The following BMPER variants were observed in gnomAD, a reference collection of about 807,000 sequenced individuals.
BMPER encodes BMP-binding endothelial regulator protein.
In BMPER, 45 loss-of-function variants were observed where a neutral mutation model predicts 87.3. The ratio of observed to expected loss-of-function variants is 0.52; its 90% CI spans 0.41 to 0.66. The LOEUF is 0.66. Among genes scored for constraint, BMPER ranks in the 30% least tolerant of loss-of-function variants. The pLI is 0.00. For missense variants in BMPER, 784 were observed against 867.5 expected, an observed-to-expected ratio of 0.90 and a Z score of 1.21; for synonymous variants, 326 against 316.2, an observed-to-expected ratio of 1.03 and a Z score of -0.33.
At chr7:33,968,487 G>A (rs1208825642) in intron 4 of BMPER, among the ~76,000 whole-genome samples, 1 of 152,122 alleles carries the variant, frequency 6.6e-6, no homozygotes, top group Admixed American at 6.6e-5. Flanking sequence ...TTTTCTCAGG[G>A]CACAAAATCA....
chr7:34,134,443 C>T lies in BMPER; in HGVS notation c.1746-8787C>T, dbSNP rs138886497. Reference sequence around the variant, plus strand: ...CCTGAGACCATCTTGCAAGATTTGCCGGGCTCTGCTAGGATGGGGCCCAAA... The same window carrying T: ...CCTGAGACCATCTTGCAAGATTTGCTGGGCTCTGCTAGGATGGGGCCCAAA... On this transcript the variant is annotated intron_variant, in intron 13 of 14. Coordinates refer to ENST00000649409, the MANE Select transcript of BMPER (RefSeq NM_001365308.1). 1.7e-3 allele frequency among the ~76,000 whole-genome samples: 263 copies of T among 152,204 alleles called. 1 individual carries two copies. The highest frequency in any genetic ancestry group is 5.4e-3 in the African/African-American group (224 of 41,538).
At chr7:33,982,360 C>A (rs1785886796) in intron 6 of BMPER, among the ~76,000 whole-genome samples, 1 of 152,164 alleles carries the variant, frequency 6.6e-6, no homozygotes, top group Non-Finnish European at 1.5e-5. Context: ...CAAATTAGAT[C>A]AATGTGGGCA....
intron 13 of BMPER, among the ~76,000 whole-genome samples, chr7:34,092,979 C>T (rs1789430902): frequency 6.6e-6 from 1 of 152,128 alleles, no homozygotes; most frequent in Non-Finnish European, 1.5e-5. Context: ...GTATAGTTAG[C>T]CAGCTTCAAA....
chr7:33,955,878 C>T (rs538562669), intron 3 of BMPER, among the ~76,000 whole-genome samples: 60 of 152,224 alleles, frequency 3.9e-4, no homozygotes, highest in African/African-American at 1.3e-3. Flanking sequence ...ACACACAGAT[C>T]GGCGGAATAG....
At chr7:33,910,654 C>T (rs1166042800) in intron 2 of BMPER, among the ~76,000 whole-genome samples, 2 of 152,166 alleles carry the variant, frequency 1.3e-5, no homozygotes, top group Admixed American at 1.3e-4. Flanking sequence ...TCCAGAGGTG[C>T]AATGTAGAAA....
Position 34,082,710 on chromosome 7 carries a change from T to G in BMPER, c.1409-3046T>G, listed in dbSNP as rs531779418. Among the ~76,000 whole-genome samples the G allele has an allele frequency of 4.6e-5, 7 of 152,336 alleles. No individual in the cohort carries two copies. In the South Asian group the frequency reaches 1.2e-3, roughly 27 times the overall value. ...AAAGAAAGAACACAGTCATTCACTG[T>G]GAGTTGAATTCCCATGAACTCAGTT... On this transcript the variant is annotated intron_variant, in intron 12 of 14. Transcript: ENST00000649409.
At chr7:34,141,309 A>G (rs931631318) in intron 13 of BMPER, among the ~76,000 whole-genome samples, 2 of 152,176 alleles carry the variant, frequency 1.3e-5, no homozygotes, top group African/African-American at 4.8e-5. Flanking sequence ...GGGGAGAAGT[A>G]TTAAGAAATA....
At chr7:33,930,265 AG>A (rs1255801624) in intron 2 of BMPER, among the ~76,000 whole-genome samples, 22 of 152,164 alleles carry the variant, frequency 1.4e-4, no homozygotes, top group African/African-American at 5.3e-4. Context: ...TTGTACACTT[AG>A]GGTTTGTGGC....
chr7:34,002,298 G>T (rs550686960), intron 6 of BMPER, among the ~76,000 whole-genome samples: 3 of 151,674 alleles, frequency 2.0e-5, no homozygotes, highest in Non-Finnish European at 4.4e-5. Flanking sequence ...TTTCAGTACA[G>T]TATTCAATAA....
intron 13 of BMPER, among the ~76,000 whole-genome samples, chr7:34,128,581 T>C (rs1350330506): frequency 6.6e-6 from 1 of 152,170 alleles, no homozygotes; most frequent in Non-Finnish European, 1.5e-5. Context: ...AAAAATGGCA[T>C]GATAGGAATA....
chr7:34,071,237 C>G (rs951451552), intron 11 of BMPER, among the ~76,000 whole-genome samples: 1 of 152,182 alleles, frequency 6.6e-6, no homozygotes, highest in Non-Finnish European at 1.5e-5. Context: ...CACTAGATAA[C>G]TATTTGCTAG....
chr7:34,100,809 T>C (rs1408224332), intron 13 of BMPER, among the ~76,000 whole-genome samples: 1 of 152,158 alleles, frequency 6.6e-6, no homozygotes, highest in African/African-American at 2.4e-5. Flanking sequence ...CTTTGCAGAA[T>C]ACATCTGGGG....
chr7:34,143,247 T>A lies in BMPER; in HGVS notation c.1763T>A (p.Met588Lys). The A allele has an allele frequency of 6.2e-7, 1 of 1,614,046 alleles. No individual in the cohort carries two copies. The highest frequency in any genetic ancestry group is 8.5e-7 in the Non-Finnish European group (1 of 1,179,928). ...TCCTATAGGTCCTGTGTGACAGACA[T>A]GTGTGAATGTCCAGTCCATAAAAAC... Reference protein sequence around the residue: ...ATFYRSCVTDMCECPVHKNCY... With the variant: ...ATFYRSCVTDKCECPVHKNCY... Residue 588 changes from methionine (M) to lysine (K), a missense_variant, in exon 14 of 15, where the codon ATG becomes AAG. Met to Lys is a moderately conservative substitution (Grantham distance 95). Coordinates refer to ENST00000649409, the MANE Select transcript of BMPER (RefSeq NM_001365308.1).
chr7:34,118,737 A>G (rs1268360363), intron 13 of BMPER, among the ~76,000 whole-genome samples: 1 of 152,218 alleles, frequency 6.6e-6, no homozygotes, highest in Non-Finnish European at 1.5e-5. Context: ...ATTAATATTT[A>G]GATTAGCAGA....
intron 2 of BMPER, among the ~76,000 whole-genome samples, chr7:33,908,157 T>G (rs1298226374): frequency 6.6e-6 from 1 of 152,206 alleles, no homozygotes; most frequent in African/African-American, 2.4e-5. Context: ...AGCTTTCAGT[T>G]TAAATTTTGA....
chr7:34,099,656 A>G (rs1326376021), intron 13 of BMPER, among the ~76,000 whole-genome samples: 1 of 152,212 alleles, frequency 6.6e-6, no homozygotes, highest in African/African-American at 2.4e-5. Flanking sequence ...AAGATAATAC[A>G]CATTCATGTG....
intron 6 of BMPER, among the ~76,000 whole-genome samples, chr7:34,037,545 T>C (rs182668075): frequency 1.6e-4 from 24 of 152,226 alleles, no homozygotes; most frequent in African/African-American, 5.3e-4. Context: ...TGAGAGGACA[T>C]TGATGTCCCT....
chr7:34,011,583 C>CA (rs36022297), intron 6 of BMPER, among the ~76,000 whole-genome samples: 6,935 of 45,502 alleles, frequency 0.15, 764 homozygotes, highest in African/African-American at 0.2. Flanking sequence ...TTGGTCAGGG[C>CA]AAAAAAAAAA....
At position 34,028,330 on chromosome 7, in the gene BMPER, T is replaced by C. The variant is rs888162656; in HGVS notation, c.577-17976T>C. ...CAGTTATTTTTCATTAAATTGGTTA[T>C]TTATGTTAGCATGAAATGGGTTTTT... On this transcript the variant is annotated intron_variant, in intron 6 of 14. Transcript: ENST00000649409. Among the ~76,000 whole-genome samples the C allele has an allele frequency of 1.2e-4, 19 of 152,176 alleles. No homozygotes were observed. In the South Asian group the frequency reaches 2.9e-3, roughly 23 times the overall value.
Sources: allele counts gnomAD v4.1 joint callset (sites outside exome capture counted in the v4.1 genomes callset), GRCh38; gene constraint gnomAD v4.1.1; transcripts MANE v1.5; gene names NCBI Gene and HGNC (gene_info 2026-07-23, HGNC 2026-07-21).